RNF185: variants seen among roughly 807,000 people sequenced by gnomAD.
RNF185 encodes ring finger protein 185.
Under a neutral mutation model 24.9 loss-of-function variants are expected in RNF185, and 13 were observed. The observed-to-expected ratio is 0.52, with a 90% CI of 0.34 to 0.83. The LOEUF (loss-of-function observed/expected upper bound fraction) is 0.83, where lower values mean the gene tolerates loss of function less well. RNF185 is among the 40% of genes least tolerant of loss of function. The pLI is 0.01. For synonymous variants in RNF185, 79 were observed against 90.3 expected (o/e 0.88, Z 0.71); for missense variants, 184 against 244.7 (o/e 0.75, Z 1.65).
At chr22:31,192,761 T>C (rs1290153011) in intron 3 of RNF185, 59 bp downstream of exon 3, 10 of 1,521,772 alleles carry the variant, frequency 6.6e-6, no homozygotes, top group East Asian at 2.2e-5. Flanking sequence ...AAGAGAGCCC[T>C]AGTCTCAGGA....
At chr22:31,178,555 T>G (rs1391068149) in intron 1 of RNF185, among the ~76,000 whole-genome samples, 1 of 152,174 alleles carries the variant, frequency 6.6e-6, no homozygotes, top group African/African-American at 2.4e-5. Flanking sequence ...GATGCTTTGT[T>G]TAAGAAAAAC....
intron 1 of RNF185, among the ~76,000 whole-genome samples, chr22:31,183,947 G>A (rs1391900447): frequency 5.9e-5 from 7 of 118,962 alleles, no homozygotes; most frequent in Admixed American, 4.1e-4. Flanking sequence ...CCCACCTCCC[G>A]GACGGGGCAG....
intron 1 of RNF185, among the ~76,000 whole-genome samples, chr22:31,179,100 T>C (rs1282950630): frequency 2.0e-5 from 3 of 152,154 alleles, no homozygotes; most frequent in Non-Finnish European, 2.9e-5. Context: ...GAGAAAAGAA[T>C]GGTCAGGGTA....
intron 5 of RNF185, among the ~76,000 whole-genome samples, chr22:31,198,394 CTTT>C (rs11298437): frequency 1.6e-3 from 158 of 96,920 alleles, no homozygotes; most frequent in Middle Eastern, 7.1e-3. Context: ...TCTTTGCACA[CTTT>C]TTTTTTTTTT....
intron 2 of RNF185, among the ~76,000 whole-genome samples, chr22:31,189,741 G>C (rs780254585): frequency 5.0e-5 from 4 of 79,668 alleles, no homozygotes; most frequent in African/African-American, 8.1e-5. Context: ...GGGTAGCTGG[G>C]ATTACAGGTG....
chr22:31,163,056 G>A (rs775651759), intron 1 of RNF185, among the ~76,000 whole-genome samples: 37 of 151,926 alleles, frequency 2.4e-4, no homozygotes, highest in Non-Finnish European at 4.3e-4. Flanking sequence ...GAGCCACCAC[G>A]TCTGGCCTGC....
intron 6 of RNF185, among the ~76,000 whole-genome samples, chr22:31,202,681 C>T (rs1452650931): frequency 1.4e-5 from 2 of 143,418 alleles, no homozygotes; most frequent in African/African-American, 5.2e-5. Flanking sequence ...GGCACAATCT[C>T]GGCTCACTGC....
At chr22:31,163,464 A>G (rs1923705604) in intron 1 of RNF185, among the ~76,000 whole-genome samples, 1 of 151,750 alleles carries the variant, frequency 6.6e-6, no homozygotes, top group Non-Finnish European at 1.5e-5. Flanking sequence ...AGTAGTTGGG[A>G]CTACGGGCAC....
chr22:31,183,532 G>A (rs985290163), intron 1 of RNF185, among the ~76,000 whole-genome samples: 4 of 152,064 alleles, frequency 2.6e-5, no homozygotes, highest in African/African-American at 7.2e-5. Flanking sequence ...GGGCCCTGCC[G>A]CCTTCCGCAG....
chr22:31,193,030 C>T (rs2048170457), intron 3 of RNF185, among the ~76,000 whole-genome samples: 1 of 152,152 alleles, frequency 6.6e-6, no homozygotes, highest in Admixed American at 6.6e-5. Flanking sequence ...CAACAGTCCC[C>T]CAGCCCTTAA....
At chr22:31,198,979 A>G (rs2048236091) in intron 5 of RNF185, among the ~76,000 whole-genome samples, 2 of 151,218 alleles carry the variant, frequency 1.3e-5, no homozygotes, top group Non-Finnish European at 2.9e-5. Context: ...ATGTGCCTGT[A>G]GTCCCAGCTA....
intron 1 of RNF185, among the ~76,000 whole-genome samples, chr22:31,184,809 G>T (rs1486833471): frequency 6.6e-6 from 1 of 151,970 alleles, no homozygotes; most frequent in Non-Finnish European, 1.5e-5. Context: ...CAGGCACTCG[G>T]CAGGCTGAGG....
At chr22:31,177,954 TTC>T (rs957040541) in intron 1 of RNF185, among the ~76,000 whole-genome samples, 1 of 152,176 alleles carries the variant, frequency 6.6e-6, no homozygotes, top group Non-Finnish European at 1.5e-5. Flanking sequence ...AACTCTCGTG[TTC>T]TCTTTCTTGC....
At chr22:31,179,070 A>G (rs2147935818) in intron 1 of RNF185, among the ~76,000 whole-genome samples, 1 of 152,306 alleles carries the variant, frequency 6.6e-6, no homozygotes, top group Non-Finnish European at 1.5e-5. Context: ...TTTGAAAACT[A>G]GAGAGTGGAT....
intron 2 of RNF185, among the ~76,000 whole-genome samples, chr22:31,191,711 A>G (rs958021095): frequency 6.6e-6 from 1 of 151,858 alleles, no homozygotes; most frequent in Admixed American, 6.6e-5. Context: ...ACACACCTAT[A>G]ATCCCAGCTA....
chr22:31,192,995 A>G (rs1981877561), intron 3 of RNF185, among the ~76,000 whole-genome samples: 1 of 152,204 alleles, frequency 6.6e-6, no homozygotes, highest in Non-Finnish European at 1.5e-5. Context: ...TTCTGCTTCT[A>G]TTAAAACAGT....
intron 1 of RNF185, among the ~76,000 whole-genome samples, chr22:31,179,786 A>G (rs577459315): frequency 6.6e-6 from 1 of 152,196 alleles, no homozygotes; most frequent in South Asian, 2.1e-4. Flanking sequence ...TGTGTGTAGG[A>G]GTATGGGCCA....
intron 2 of RNF185, among the ~76,000 whole-genome samples, chr22:31,190,068 G>A (rs894435731): frequency 5.3e-5 from 8 of 152,164 alleles, no homozygotes; most frequent in African/African-American, 1.2e-4. Context: ...TAATGTGACC[G>A]TCCAGTGACA....
chr22:31,201,732 C>T, intron 6 of RNF185, 117 bp downstream of exon 6: 1 of 743,792 alleles, frequency 1.3e-6, no homozygotes. Context: ...GATAATCAGC[C>T]TTTTCAAAAT....
Sources: gnomAD v4.1 joint callset for allele counts (sites outside exome capture counted in the v4.1 genomes callset) on GRCh38, gnomAD v4.1.1 for gene constraint, MANE v1.5 for transcripts, NCBI Gene and HGNC (gene_info 2026-07-23, HGNC 2026-07-21) for gene names.